The following CEACAM18 variants were observed in gnomAD, a reference collection of about 807,000 sequenced individuals.
CEACAM18 encodes the protein cell adhesion molecule CEACAM18.
A neutral mutation model predicts 34.3 loss-of-function variants in CEACAM18; 33 were observed. The observed-to-expected ratio is 0.96, with a 90% CI of 0.73 to 1.29. The LOEUF (loss-of-function observed/expected upper bound fraction) is 1.29. Among genes scored for constraint, CEACAM18 ranks in the 50% most tolerant of loss-of-function variants. The pLI is 0.00. For missense variants in CEACAM18, 474 were observed against 485.0 expected, an observed-to-expected ratio of 0.98 and a Z score of 0.21; for synonymous variants, 169 against 180.9, an observed-to-expected ratio of 0.93 and a Z score of 0.53.
chr19:51,487,044 A>C (rs1568525597), intron 5 of CEACAM18, among the ~76,000 whole-genome samples: 1 of 152,088 alleles, frequency 6.6e-6, no homozygotes, highest in Non-Finnish European at 1.5e-5. Flanking sequence ...TTTTCATCTA[A>C]AATTTTAAAC....
chr19:51,480,609 C>A lies in CEACAM18; in HGVS notation c.329C>A (p.Thr110Lys), dbSNP rs570397427. Residue 110 changes from threonine to lysine, a missense_variant, in exon 2 of 6, where the codon ACG becomes AAG. Thr to Lys is a moderately conservative substitution (Grantham distance 78, BLOSUM62 -1). Transcript: ENST00000396477. Reference sequence around the variant, plus strand: ...ATCAGGCCGACTGCATTAAATGACACGGGAAACTACACTGTTCGGGTGGTT... The same window carrying A: ...ATCAGGCCGACTGCATTAAATGACAAGGGAAACTACACTGTTCGGGTGGTT... The A allele has an allele frequency of 3.1e-6, 5 of 1,613,834 alleles. No homozygotes were observed. In the East Asian group the frequency reaches 6.7e-5, roughly 22 times the overall value.
At chr19:51,481,706 C>A in intron 3 of CEACAM18, 41 bp downstream of exon 3, 1 of 1,580,172 alleles carries the variant, frequency 6.3e-7, no homozygotes, top group Non-Finnish European at 8.6e-7. Context: ...CAGGGCTGGT[C>A]TCAGGGCTTT....
chr19:51,480,578 C>G, exon 2 of CEACAM18: 1 of 1,613,984 alleles, frequency 6.2e-7, no homozygotes, highest in Non-Finnish European at 8.5e-7. Context: ...AGAAGGCAGC[C>G]TGTTGATCAG....
Position 51,480,591 on chromosome 19 carries a change from C to G in CEACAM18, c.311C>G (p.Pro104Arg). The G allele has an allele frequency of 2.5e-6, 4 of 1,613,868 alleles. No individual in the cohort carries two copies. The East Asian group carries it at 8.9e-5, about 36-fold the overall frequency. ...AGAGAAGGCAGCCTGTTGATCAGGCCGACTGCATTAAATGACACGGGAAAC... is the reference window on the plus strand; with the variant it reads ...AGAGAAGGCAGCCTGTTGATCAGGCGGACTGCATTAAATGACACGGGAAAC... Residue 104 changes from proline (P) to arginine (R), a missense_variant, in exon 2 of 6, where the codon CCG becomes CGG. Pro to Arg is a moderately radical substitution (Grantham distance 103). Transcript: ENST00000396477.
At chr19:51,484,628 T>C (rs1387878912) in intron 4 of CEACAM18, among the ~76,000 whole-genome samples, 2 of 100,214 alleles carry the variant, frequency 2.0e-5, no homozygotes, top group East Asian at 2.6e-4. Context: ...TAGCACATAG[T>C]TGGTGCTCAG....
chr19:51,480,384 C>T (rs766683483), exon 2 of CEACAM18: 3 of 1,612,882 alleles, frequency 1.9e-6, no homozygotes, highest in Non-Finnish European at 1.7e-6. Context: ...ATCTTCATCA[C>T]CCAAACCCTG....
chr19:51,483,905 T>G (rs1989960029), intron 4 of CEACAM18, among the ~76,000 whole-genome samples: 1 of 152,182 alleles, frequency 6.6e-6, no homozygotes, highest in Non-Finnish European at 1.5e-5. Context: ...GCGTCCAATC[T>G]TCTGCATCAA....
rs757344835 is a variant in CEACAM18, at chr19:51,481,142, C to T, written c.401-251C>T. ...AGGATCAGAAACAATGATTAGGCCA[C>T]ATGTTTATGCCAAGAGCTCACCATT... On this transcript the variant is annotated intron_variant, in intron 2 of 5. Transcript: ENST00000396477. Among the ~76,000 whole-genome samples, 34 of 152,208 alleles carry T rather than the reference C, an allele frequency of 2.2e-4. 1 individual carries two copies. Among genetic ancestry groups the T allele is most frequent in the Non-Finnish European group, 3.8e-4 (26 of 68,036 alleles).
At chr19:51,484,811 T>C (rs1244572381) in intron 4 of CEACAM18, among the ~76,000 whole-genome samples, 176 bp from the exon 5 acceptor site, 2 of 152,226 alleles carry the variant, frequency 1.3e-5, no homozygotes, top group Non-Finnish European at 2.9e-5. Context: ...GTCAGGCCCA[T>C]GGGTACAGGG....
chr19:51,491,135 A>C (rs903134018), downstream of CEACAM18, among the ~76,000 whole-genome samples: 1 of 152,168 alleles, frequency 6.6e-6, no homozygotes, highest in South Asian at 2.1e-4. Flanking sequence ...ACGCAGCCCC[A>C]GTGAGGCTCC....
At chr19:51,479,437 T>A (rs891159909) in intron 1 of CEACAM18, among the ~76,000 whole-genome samples, 5 of 151,914 alleles carry the variant, frequency 3.3e-5, no homozygotes, top group African/African-American at 1.2e-4. Flanking sequence ...ATTACTGAAC[T>A]CCCCCTGTGT....
chr19:51,487,668 A>G (rs2122192923), intron 5 of CEACAM18, among the ~76,000 whole-genome samples: 1 of 152,240 alleles, frequency 6.6e-6, no homozygotes. Flanking sequence ...TGGGAGGCTG[A>G]GGCAGGAGAA....
intron 4 of CEACAM18, among the ~76,000 whole-genome samples, chr19:51,484,104 C>T (rs1312423957): frequency 6.6e-6 from 1 of 152,126 alleles, no homozygotes; most frequent in Non-Finnish European, 1.5e-5. Flanking sequence ...AGAATCCCTG[C>T]AGGGAAAGGG....
chr19:51,486,463 G>A (rs913461324), intron 5 of CEACAM18, among the ~76,000 whole-genome samples: 2 of 152,002 alleles, frequency 1.3e-5, no homozygotes, highest in African/African-American at 2.4e-5. Context: ...TGTTTCTTAG[G>A]GGATTTTCCA....
exon 2 of CEACAM18, chr19:51,480,547 T>C (rs1421990760): frequency 5.6e-6 from 9 of 1,613,934 alleles, no homozygotes; most frequent in Non-Finnish European, 6.8e-6. Context: ...CCATGTACAC[T>C]GGCAGGGAGA....
At chr19:51,480,569 G>C (rs765961156) in exon 2 of CEACAM18, 1 of 1,614,046 alleles carries the variant, frequency 6.2e-7, no homozygotes, top group African/African-American at 1.3e-5. Flanking sequence ...AGTGAACAGA[G>C]AAGGCAGCCT....
rs375338289 is a variant in CEACAM18 at position 51,480,263 on chromosome 19, T to C, written c.53-70T>C. On this transcript the variant is annotated intron_variant, in intron 1 of 5. Transcript: ENST00000396477. ...AATCGTTCCCGGATGGTGTCTTTTT[T>C]CCTTGTCTTCTCAGCCAGTCTGAAT... 11 of 1,281,746 alleles carry C rather than the reference T, an allele frequency of 8.6e-6. No homozygotes were observed. The African/African-American group carries it at 1.1e-4, about 12-fold the overall frequency. The allele number at this position is 1,281,746 out of a possible 1,614,324, so 79.4% of individuals were successfully genotyped here. A position where few individuals can be genotyped will look rare whatever the true frequency, so the allele number is the denominator to read the frequency against.
Position 51,489,101 on chromosome 19 carries a change from T to C in CEACAM18, c.1090-1486T>C, listed in dbSNP as rs1046259228. On this transcript the variant is annotated intron_variant, in intron 5 of 5. Transcript: ENST00000396477. ...GTTTCTATCCTTGTGTTCAAAGTCATTGATGGAGACTGAATGAGGGACAAA... is the reference window on the plus strand; with the variant it reads ...GTTTCTATCCTTGTGTTCAAAGTCACTGATGGAGACTGAATGAGGGACAAA... Among the ~76,000 whole-genome samples, 8 of 150,574 alleles carry C rather than the reference T, an allele frequency of 5.3e-5. No homozygotes were observed. The South Asian group carries it at 1.3e-3, about 24-fold the overall frequency.
At chr19:51,487,375 T>A (rs181107990) in intron 5 of CEACAM18, among the ~76,000 whole-genome samples, 2 of 152,122 alleles carry the variant, frequency 1.3e-5, no homozygotes, top group African/African-American at 4.8e-5. Flanking sequence ...CTCAGGAGGC[T>A]GAGGTGGGAG....
Sources: allele counts gnomAD v4.1 joint callset (sites outside exome capture counted in the v4.1 genomes callset), GRCh38; gene constraint gnomAD v4.1.1; transcripts MANE v1.5; gene names NCBI Gene and HGNC (gene_info 2026-07-23, HGNC 2026-07-21).